AOX1: variants seen among roughly 807,000 people sequenced by gnomAD.
The protein encoded by AOX1 is aldehyde oxidase 1, also known as aldehyde oxidase.
A neutral mutation model predicts 169.5 loss-of-function variants in AOX1; 153 were observed. The observed-to-expected ratio is 0.90, with a 90% CI of 0.79 to 1.03. AOX1 has a LOEUF of 1.03. Among genes scored for constraint, AOX1 ranks in the 50% least tolerant of loss-of-function variants. The probability of loss-of-function intolerance (pLI) is 0.00; values close to 1 mark genes in which losing one functional copy is unlikely to be tolerated. For synonymous variants in AOX1, 562 were observed against 581.9 expected (o/e 0.97, Z 0.49); for missense variants, 1,656 against 1,663.9 (o/e 1.00, Z 0.08).
intron 6 of AOX1, 91 bp downstream of exon 6, chr2:200,602,436 CTAA>C: frequency 9.1e-7 from 1 of 1,098,888 alleles, no homozygotes; most frequent in Non-Finnish European, 1.4e-6. Flanking sequence ...AGCCATCTTA[CTAA>C]TACATGGCTA....
intron 8 of AOX1, 70 bp downstream of exon 8, chr2:200,604,167 TG>T: frequency 8.3e-7 from 1 of 1,205,678 alleles, no homozygotes; most frequent in Non-Finnish European, 1.2e-6. Flanking sequence ...TATTTGTTTA[TG>T]GGTTCTCTCA....
intron 18 of AOX1, among the ~76,000 whole-genome samples, chr2:200,622,622 A>T (rs1026247112): frequency 3.9e-5 from 6 of 152,192 alleles, no homozygotes; most frequent in Non-Finnish European, 8.8e-5. Flanking sequence ...CTTTGCATAA[A>T]TGTTTACTAA....
intron 11 of AOX1, 88 bp from the exon 12 acceptor site, chr2:200,609,233 A>G: frequency 1.9e-6 from 3 of 1,589,668 alleles, no homozygotes; most frequent in Non-Finnish European, 2.6e-6. Flanking sequence ...GACAAAAAAA[A>G]TAGTTCTCCA....
At chr2:200,658,981 G>T (rs149481762) in intron 27 of AOX1, among the ~76,000 whole-genome samples, 184 bp from the exon 28 acceptor site, 168 of 152,300 alleles carry the variant, frequency 1.1e-3, no homozygotes, top group Middle Eastern at 6.8e-3. Context: ...TCAGGACTTG[G>T]GGTCCAGACT....
chr2:200,603,701 A>G (rs1339225586), intron 7 of AOX1, among the ~76,000 whole-genome samples: 1 of 152,210 alleles, frequency 6.6e-6, no homozygotes, highest in Non-Finnish European at 1.5e-5. Context: ...GAACAAGTAG[A>G]GACAGGAGAG....
At chr2:200,632,017 A>G (rs898046791) in intron 20 of AOX1, among the ~76,000 whole-genome samples, 1 of 152,110 alleles carries the variant, frequency 6.6e-6, no homozygotes, top group Non-Finnish European at 1.5e-5. Flanking sequence ...CCAGATTGCA[A>G]TTTAAAACAT....
chr2:200,673,199 T>C (rs2036051928), downstream of AOX1, among the ~76,000 whole-genome samples: 1 of 152,200 alleles, frequency 6.6e-6, no homozygotes, highest in Non-Finnish European at 1.5e-5. Flanking sequence ...ATGGGCCCTC[T>C]TTCCCAGTCT....
chr2:200,618,578 C>A (rs184218695), intron 16 of AOX1, among the ~76,000 whole-genome samples: 29 of 152,240 alleles, frequency 1.9e-4, no homozygotes, highest in African/African-American at 7.0e-4. Context: ...TGAAATAACA[C>A]ATGCCACTCT....
intron 31 of AOX1, among the ~76,000 whole-genome samples, chr2:200,664,492 T>C (rs2035890959): frequency 6.6e-6 from 1 of 152,220 alleles, no homozygotes; most frequent in Non-Finnish European, 1.5e-5. Flanking sequence ...TCATGTGGAT[T>C]TTCTTATATT....
intron 3 of AOX1, 74 bp from the exon 4 acceptor site, chr2:200,597,323 C>T: frequency 9.6e-7 from 1 of 1,036,350 alleles, no homozygotes; most frequent in Non-Finnish European, 1.4e-6. Context: ...TGGAGAAGCT[C>T]AGTGAATGCC....
intron 20 of AOX1, among the ~76,000 whole-genome samples, chr2:200,634,396 T>C (rs1209837043): frequency 6.6e-6 from 1 of 152,136 alleles, no homozygotes; most frequent in East Asian, 1.9e-4. Flanking sequence ...AGGGTTGTTA[T>C]CTGTACTTAA....
rs140808647 is a variant in AOX1 at position 200,604,218 on chromosome 2, T to G, written c.669+121T>G. 3.1e-5 allele frequency: 23 copies of G among 741,618 alleles called. No homozygotes were observed. The African/African-American group carries it at 3.3e-4, about 11-fold the overall frequency. 45.9% of individuals were successfully genotyped at this position (741,618 alleles called of 1,614,324 possible). ...AATAGGTGAGGCCTCTCTGTCATCCTTAGCTCAAGGTCTAAAGAGTATGGA... is the reference window on the plus strand; with the variant it reads ...AATAGGTGAGGCCTCTCTGTCATCCGTAGCTCAAGGTCTAAAGAGTATGGA... On this transcript the variant is annotated intron_variant, in intron 8 of 34. Transcript: ENST00000374700.
At chr2:200,597,606 C>A in intron 4 of AOX1, 101 bp downstream of exon 4, 2 of 673,956 alleles carry the variant, frequency 3.0e-6, no homozygotes, top group South Asian at 2.9e-5. Flanking sequence ...GGCCTGCTGG[C>A]TCGGCCACTC....
Position 200,668,749 on chromosome 2 carries a change from G to C in AOX1, c.3744G>C (p.Leu1248Phe), listed in dbSNP as rs2035972564. 1 of 1,614,142 alleles carries C rather than the reference G, an allele frequency of 6.2e-7. No homozygotes were observed. Residue 1248 changes from leucine (L) to phenylalanine (F), a missense_variant, in exon 33 of 35, where the codon TTG becomes TTC. Leu to Phe is a conservative substitution (Grantham distance 22). Transcript: ENST00000374700. ...IPAICDMPTELHIALLPPSQN... is the reference protein window; with the variant it reads ...IPAICDMPTEFHIALLPPSQN... ...CCATCTGTGACATGCCCACGGAGTT[G>C]CACATTGCTTTGTTGCCTCCTTCTC...
rs78163497 is a variant in AOX1 at position 200,637,789 on chromosome 2, A to G, written c.2481-426A>G. On this transcript the variant is annotated intron_variant, in intron 22 of 34. Coordinates refer to ENST00000374700, the MANE Select transcript of AOX1 (RefSeq NM_001159.4). ...GAAGGCTTAATTTGTTTGCTGAGTA[A>G]TATGGGTCAGTTCCTCCATCCCAGG... Among the ~76,000 whole-genome samples the G allele has an allele frequency of 3.0e-3, 453 of 152,294 alleles. 2 individuals carry two copies. The highest frequency in any genetic ancestry group is 0.018 in the East Asian group (95 of 5,178).
At chr2:200,637,922 A>G (rs2035269587) in intron 22 of AOX1, among the ~76,000 whole-genome samples, 1 of 152,154 alleles carries the variant, frequency 6.6e-6, no homozygotes. Context: ...CGATTTGCCT[A>G]TAATAAAGGT....
In AOX1 at chr2:200,623,460, G is replaced by T. The variant is rs532492742; in HGVS notation, c.2002-401G>T. Among the ~76,000 whole-genome samples the T allele has an allele frequency of 2.6e-5, 4 of 152,346 alleles. No individual in the cohort carries two copies. In the East Asian group the frequency reaches 7.7e-4, roughly 29 times the overall value. ...CCAGGTCATCCCCTTTTTCTCTCTG[G>T]TTGAGATGATCTGTGACTTCCTGGT... On this transcript the variant is annotated intron_variant, in intron 18 of 34. Coordinates refer to ENST00000374700, the MANE Select transcript of AOX1 (RefSeq NM_001159.4).
downstream of AOX1, among the ~76,000 whole-genome samples, chr2:200,680,029 T>C (rs2036139261): frequency 6.6e-6 from 1 of 152,188 alleles, no homozygotes; most frequent in South Asian, 2.1e-4. Context: ...CAGTGAGCTA[T>C]GATCGGGTCA....
intron 23 of AOX1, among the ~76,000 whole-genome samples, chr2:200,639,275 G>A (rs1170484323): frequency 1.3e-5 from 2 of 152,200 alleles, no homozygotes; most frequent in African/African-American, 4.8e-5. Context: ...AGGGAAGCGA[G>A]AGAGAAGAGA....
Sources: gnomAD v4.1 joint callset for allele counts (sites outside exome capture counted in the v4.1 genomes callset) on GRCh38, gnomAD v4.1.1 for gene constraint, MANE v1.5 for transcripts, NCBI Gene and HGNC (gene_info 2026-07-23, HGNC 2026-07-21) for gene names.